Variants in AZIN2 observed in about 807,000 individuals in gnomAD.
The protein encoded by AZIN2 is ODC antizyme inhibitor-2.
A neutral mutation model predicts 47.8 loss-of-function variants in AZIN2; 28 were observed. The observed-to-expected ratio is 0.59, with a 90% CI of 0.43 to 0.80. The LOEUF is 0.80. Ranked by LOEUF, AZIN2 falls within the 30% of genes least tolerant of loss-of-function variation. The probability of loss-of-function intolerance (pLI) is 0.00; values close to 1 mark genes in which losing one functional copy is unlikely to be tolerated. For missense variants in AZIN2, 535 were observed against 582.5 expected, an observed-to-expected ratio of 0.92 and a Z score of 0.84; for synonymous variants, 221 against 239.4, an observed-to-expected ratio of 0.92 and a Z score of 0.71.
the AZIN2 span, among the ~76,000 whole-genome samples, chr1:33,143,384 C>G: frequency 6.6e-6 from 1 of 152,120 alleles, no homozygotes; most frequent in Non-Finnish European, 1.5e-5. Flanking sequence ...GAAGGCTGAG[C>G]AAAGACAGAT....
rs961772094 is a variant in AZIN2 at position 33,092,049 on chromosome 1, G to A, written c.280-1G>A. On this transcript the variant is annotated splice_acceptor_variant, in intron 5 of 11. Coordinates refer to ENST00000294517, the MANE Select transcript of AZIN2 (RefSeq NM_052998.4). LOFTEE classifies it high-confidence loss of function. ...TTACAACCACCTTTGGGGCCCCATA[G>A]GCAGAGATGGAGTTGGTCCAGCATA... 1.9e-6 allele frequency: 3 copies of A among 1,613,166 alleles called. No homozygotes were observed. The highest frequency in any genetic ancestry group is 2.5e-6 in the Non-Finnish European group (3 of 1,179,490).
intron 5 of AZIN2, among the ~76,000 whole-genome samples, chr1:33,087,199 T>C (rs1167728169): frequency 6.6e-6 from 1 of 151,228 alleles, no homozygotes; most frequent in African/African-American, 2.4e-5. Context: ...AGTGGCGCAA[T>C]CTCGGCTCAC....
At position 33,096,802 on chromosome 1, in the gene AZIN2, G is replaced by T; in HGVS notation, c.849G>T (p.Ser283=). Residue 283 remains serine (S), a synonymous_variant, in exon 9 of 12, where the codon TCG becomes TCT. Coordinates refer to ENST00000294517, the MANE Select transcript of AZIN2 (RefSeq NM_052998.4). ...AGCTGGGGCGCTACTACGTGACCTC[G>T]GCCTTCACTGTGGCAGTCAGCATCA... is the stretch of plus-strand genomic sequence containing the variant. ...FAELGRYYVT[S]AFTVAVSIIA... is the part of the protein sequence containing the mutation. 6.2e-7 allele frequency: 1 copy of T among 1,614,140 alleles called. No homozygotes were observed. Among genetic ancestry groups the T allele is most frequent in the Middle Eastern group, 1.6e-4 (1 of 6,062 alleles).
intron 5 of AZIN2, 89 bp downstream of exon 5, chr1:33,084,216 G>A: frequency 1.3e-6 from 2 of 1,516,080 alleles, no homozygotes; most frequent in Admixed American, 3.4e-5. Context: ...TGGGGAGCAA[G>A]AGGTACCTGT....
intron 5 of AZIN2, among the ~76,000 whole-genome samples, chr1:33,085,278 A>T (rs1641764112): frequency 6.6e-6 from 1 of 152,038 alleles, no homozygotes; most frequent in Non-Finnish European, 1.5e-5. Context: ...AGTATTTTAG[A>T]TGGAAAATGC....
intron 10 of AZIN2, among the ~76,000 whole-genome samples, chr1:33,107,328 C>T (rs1438638858): frequency 6.6e-6 from 1 of 151,982 alleles, no homozygotes; most frequent in Non-Finnish European, 1.5e-5. Context: ...GCCTGTAACC[C>T]CAGCACTTTG....
the AZIN2 span, among the ~76,000 whole-genome samples, chr1:33,132,657 C>T: frequency 6.6e-6 from 1 of 152,212 alleles, no homozygotes; most frequent in Non-Finnish European, 1.5e-5. Context: ...ACTTCTCATA[C>T]TCTGTTGTCA....
chr1:33,125,785 A>G (rs917749387), downstream of AZIN2, among the ~76,000 whole-genome samples: 2 of 151,944 alleles, frequency 1.3e-5, no homozygotes, highest in Non-Finnish European at 2.9e-5. Context: ...CACACTTACA[A>G]CCCCAAATCT....
At chr1:33,159,738 A>T in the AZIN2 span, 1 of 1,612,742 alleles carries the variant, frequency 6.2e-7, no homozygotes, top group African/African-American at 1.3e-5. The surrounding 1 kb of genome is among the most constrained non-coding windows in gnomAD (Gnocchi z 4.2). Flanking sequence ...GGTCGGTTTC[A>T]GCCAGCCGCT....
rs951203776 is a variant in AZIN2, at chr1:33,122,695, T to C, written c.*2513T>C. On this transcript the variant is annotated 3_prime_UTR_variant, in exon 12 of 12. Transcript: ENST00000294517. ...GGCTGCCTTGGAAGTCAGATGTTCC[T>C]GTTGGCCTATCACAGACCCATCCTT... is the stretch of plus-strand genomic sequence containing the variant. Among the ~76,000 whole-genome samples the C allele has an allele frequency of 3.3e-5, 5 of 152,290 alleles. No homozygotes were observed. The highest frequency in any genetic ancestry group is 1.2e-4 in the African/African-American group (5 of 41,562).
At chr1:33,105,491 G>A (rs1643957947) in intron 10 of AZIN2, among the ~76,000 whole-genome samples, 1 of 152,198 alleles carries the variant, frequency 6.6e-6, no homozygotes, top group African/African-American at 2.4e-5. Flanking sequence ...GAGGCCTCAG[G>A]AAACCTACAT....
the AZIN2 span, chr1:33,162,954 T>C: frequency 6.6e-6 from 1 of 152,222 alleles, no homozygotes; most frequent in African/African-American, 2.4e-5. Context: ...TGTGCCTCAG[T>C]TGCCTCACTG....
the AZIN2 span, among the ~76,000 whole-genome samples, chr1:33,153,561 A>G: frequency 1.5e-4 from 23 of 152,324 alleles, 1 homozygote; most frequent in South Asian, 4.8e-3. Context: ...CCCTGCAACA[A>G]GGAATGGTCC....
In AZIN2 at chr1:33,082,169, G is replaced by C; in HGVS notation, c.-72-9G>C. ...CCAGCGGTTCCCTTCATCTCCCCTC[G>C]CCCCGCAGTGTGTTGCATACTTTCT... On this transcript the variant is annotated splice_polypyrimidine_tract_variant and intron_variant, in intron 3 of 11. Transcript: ENST00000294517. The C allele has an allele frequency of 2.5e-6, 3 of 1,184,604 alleles. No homozygotes were observed. The highest frequency in any genetic ancestry group is 3.7e-6 in the Non-Finnish European group (3 of 811,316). The allele number at this position is 1,184,604 out of a possible 1,614,324, so 73.4% of individuals were successfully genotyped here.
chr1:33,148,626 A>T, the AZIN2 span, among the ~76,000 whole-genome samples: 1 of 152,238 alleles, frequency 6.6e-6, no homozygotes, highest in African/African-American at 2.4e-5. Context: ...TTTATTATTA[A>T]TAATTTCCTT....
the AZIN2 span, among the ~76,000 whole-genome samples, chr1:33,158,573 A>G: frequency 6.6e-6 from 1 of 152,320 alleles, no homozygotes; most frequent in South Asian, 2.1e-4. Flanking sequence ...AATGGGTGCT[A>G]TGCTAGCATC....
chr1:33,096,677 A>G (rs772110862), intron 8 of AZIN2, 30 bp from the exon 9 acceptor site: 6 of 1,612,810 alleles, frequency 3.7e-6, no homozygotes, highest in African/African-American at 2.7e-5. Context: ...TTTCAAACAC[A>G]TAATTGTCTC....
At chr1:33,101,813 T>C (rs773800729) in intron 10 of AZIN2, 1 of 777,514 alleles carries the variant, frequency 1.3e-6, no homozygotes, top group Non-Finnish European at 2.4e-6. Context: ...TGTTTGGGCT[T>C]TTTCTCCCTC....
Position 33,120,257 on chromosome 1 carries a change from G to A in AZIN2, c.*75G>A. 1 of 1,534,434 alleles carries A rather than the reference G, an allele frequency of 6.5e-7. No homozygotes were observed. Among genetic ancestry groups the A allele is most frequent in the Non-Finnish European group, 8.8e-7 (1 of 1,137,616 alleles). ...CTGGGAGAGGTGGGGAAGATGGCAG[G>A]CAAGGGTACCCTTGGCCAGGACTCT... On this transcript the variant is annotated 3_prime_UTR_variant, in exon 12 of 12. Coordinates refer to ENST00000294517, the MANE Select transcript of AZIN2 (RefSeq NM_052998.4).
Sources: gnomAD v4.1 joint callset for allele counts (sites outside exome capture counted in the v4.1 genomes callset) on GRCh38, gnomAD v4.1.1 for gene constraint, Gnocchi (gnomAD v3.1) non-coding constraint, MANE v1.5 for transcripts, NCBI Gene and HGNC (gene_info 2026-07-23, HGNC 2026-07-21) for gene names.